FOXP2: variants seen among roughly 807,000 people sequenced by gnomAD.
FOXP2 encodes the protein forkhead box protein P2.
Under a neutral mutation model 115.8 loss-of-function variants are expected in FOXP2, and 12 were observed. That is an observed-to-expected ratio of 0.10 (90% CI 0.07 to 0.17). The LOEUF is 0.17. Ranked by LOEUF, FOXP2 falls within the 10% of genes least tolerant of loss-of-function variation. The pLI is 1.00. For synonymous variants in FOXP2, 328 were observed against 297.7 expected, an observed-to-expected ratio of 1.10 and a Z score of -1.05; for missense variants, 629 against 843.5, an observed-to-expected ratio of 0.75 and a Z score of 3.15.
intron 3 of FOXP2, among the ~76,000 whole-genome samples, chr7:114,547,355 C>T (rs577169827): frequency 6.6e-6 from 1 of 152,220 alleles, no homozygotes; most frequent in East Asian, 1.9e-4. Flanking sequence ...GAACAAAATA[C>T]ACTCCTCATT....
At chr7:114,420,299 G>A (rs1010693926) in intron 1 of FOXP2, among the ~76,000 whole-genome samples, 2 of 151,960 alleles carry the variant, frequency 1.3e-5, no homozygotes, top group African/African-American at 4.8e-5. Context: ...AAGCTTGCAA[G>A]CTTGCACAAC....
intron 2 of FOXP2, among the ~76,000 whole-genome samples, chr7:114,302,450 C>G (rs557465633): frequency 6.6e-6 from 1 of 152,200 alleles, no homozygotes; most frequent in East Asian, 1.9e-4. Flanking sequence ...ATTTAATACT[C>G]AACAACTTTA....
At chr7:114,475,694 A>G (rs903732734) in intron 2 of FOXP2, among the ~76,000 whole-genome samples, 1 of 152,084 alleles carries the variant, frequency 6.6e-6, no homozygotes, top group African/African-American at 2.4e-5. Context: ...CCAAATAGTA[A>G]GCATACTTTT....
intron 3 of FOXP2, among the ~76,000 whole-genome samples, chr7:114,613,371 T>C (rs1478083811): frequency 6.6e-6 from 1 of 152,124 alleles, no homozygotes; most frequent in Non-Finnish European, 1.5e-5. Flanking sequence ...ACTTGCTTTT[T>C]GCATCAAGAA....
upstream of FOXP2, among the ~76,000 whole-genome samples, chr7:114,412,663 T>A (rs184894722): frequency 1.4e-3 from 215 of 152,290 alleles, 3 homozygotes; most frequent in Non-Finnish European, 2.3e-3. Context: ...CCGATGCAGC[T>A]TTGTGCGGGA....
chr7:114,633,530 T>C (rs1294116792), intron 6 of FOXP2, among the ~76,000 whole-genome samples: 2 of 152,186 alleles, frequency 1.3e-5, no homozygotes, highest in Non-Finnish European at 2.9e-5. Context: ...ATGTTTTCAT[T>C]AATATAGGTT....
chr7:114,266,627 AC>A (rs1795902568), intron 1 of FOXP2, among the ~76,000 whole-genome samples: 1 of 151,974 alleles, frequency 6.6e-6, no homozygotes, highest in East Asian at 1.9e-4. Flanking sequence ...GCCCCCAGAC[AC>A]CTCCCAATAG....
intron 2 of FOXP2, among the ~76,000 whole-genome samples, chr7:114,302,701 A>T (rs895363539): frequency 2.0e-5 from 3 of 152,152 alleles, no homozygotes; most frequent in Non-Finnish European, 4.4e-5. Context: ...CGAATATGGC[A>T]CAGATGATAG....
chr7:114,201,900 A>C (rs1377071274), intron 1 of FOXP2, among the ~76,000 whole-genome samples: 1 of 152,246 alleles, frequency 6.6e-6, no homozygotes, highest in Non-Finnish European at 1.5e-5. Context: ...ATATTTGAGT[A>C]CAAATGCCTT....
chr7:114,289,084 T>C (rs369187017), intron 2 of FOXP2, among the ~76,000 whole-genome samples: 2 of 151,998 alleles, frequency 1.3e-5, no homozygotes, highest in African/African-American at 4.8e-5. Flanking sequence ...TCAATGTTCT[T>C]TAATTATACA....
rs186798383 is a variant in FOXP2, at chr7:114,207,327, T to C, written c.-102+44239T>C. Among the ~76,000 whole-genome samples, 100 of 152,344 alleles carry C rather than the reference T, an allele frequency of 6.6e-4. No individual in the cohort carries two copies. The East Asian group carries it at 0.018, about 27-fold the overall frequency. ...GTTAGATAAAAACTTAGGAGTCATA[T>C]AATTTTATGTGTAACATTTTGAGAA... On this transcript the variant is annotated intron_variant, in intron 1 of 17. Transcript: ENST00000634411.
chr7:114,114,590 T>C (rs1791355469), intron 1 of FOXP2, among the ~76,000 whole-genome samples: 1 of 152,120 alleles, frequency 6.6e-6, no homozygotes, highest in Admixed American at 6.6e-5. Flanking sequence ...CATTGTGCCA[T>C]AGATGAATGT....
At chr7:114,264,491 A>T (rs1041211486) in intron 1 of FOXP2, among the ~76,000 whole-genome samples, 1 of 152,144 alleles carries the variant, frequency 6.6e-6, no homozygotes, top group African/African-American at 2.4e-5. Flanking sequence ...GTCTGGGCCA[A>T]ATGTTAACTC....
Position 114,690,050 on chromosome 7 carries a change from C to A in FOXP2, c.*124C>A. On this transcript the variant is annotated 3_prime_UTR_variant, in exon 17 of 17. Transcript: ENST00000350908. ...TATTAAGCATGGATAAAGGAGACAGCCCTAAAGGAACTTACTAAGCCAGCC... is the reference window on the plus strand; with the variant it reads ...TATTAAGCATGGATAAAGGAGACAGACCTAAAGGAACTTACTAAGCCAGCC... 1.6e-6 allele frequency: 2 copies of A among 1,225,674 alleles called. No individual in the cohort carries two copies. Among genetic ancestry groups the A allele is most frequent in the Non-Finnish European group, 2.4e-6 (2 of 847,732 alleles). 75.9% of individuals were successfully genotyped at this position (1,225,674 alleles called of 1,614,324 possible).
At position 114,625,495 on chromosome 7, in the gene FOXP2, G is replaced by C. The variant is rs371057498; in HGVS notation, c.259-3045G>C. 8.9e-4 allele frequency among the ~76,000 whole-genome samples: 135 copies of C among 151,812 alleles called. 1 individual carries two copies. The South Asian group carries it at 8.9e-3, about 10-fold the overall frequency. On this transcript the variant is annotated intron_variant, in intron 3 of 16. Coordinates refer to ENST00000350908, the MANE Select transcript of FOXP2 (RefSeq NM_014491.4). ...TTTTTAAAAGGCTGATACTGATTTC[G>C]TCTATTTAAATATTGGTAAGTAGTA...
chr7:114,342,536 G>A (rs1420248714), intron 2 of FOXP2, among the ~76,000 whole-genome samples: 1 of 151,326 alleles, frequency 6.6e-6, no homozygotes, highest in African/African-American at 2.4e-5. Flanking sequence ...AAATAACTAA[G>A]AGTTAATTAT....
At chr7:114,592,934 G>C (rs1463390145) in intron 3 of FOXP2, among the ~76,000 whole-genome samples, 1 of 151,838 alleles carries the variant, frequency 6.6e-6, no homozygotes, top group African/African-American at 2.4e-5. Context: ...TTTGAGAGTC[G>C]TCTGAACTAT....
intron 1 of FOXP2, among the ~76,000 whole-genome samples, chr7:114,132,578 TGTGTGA>T (rs1395793540): frequency 1.9e-4 from 11 of 58,794 alleles, no homozygotes; most frequent in African/African-American, 2.9e-4. Context: ...TGTGTGTGTG[TGTGTGA>T]GAGAGAGAGA....
At chr7:114,173,668 T>C (rs1195989662) in intron 1 of FOXP2, among the ~76,000 whole-genome samples, 2 of 151,994 alleles carry the variant, frequency 1.3e-5, no homozygotes, top group African/African-American at 2.4e-5. Flanking sequence ...TGATTTGTCT[T>C]GGCCAAAGCC....
Sources: gnomAD v4.1 joint callset for allele counts (sites outside exome capture counted in the v4.1 genomes callset) on GRCh38, gnomAD v4.1.1 for gene constraint, MANE v1.5 for transcripts, NCBI Gene and HGNC (gene_info 2026-07-23, HGNC 2026-07-21) for gene names.